The following DPH6 variants were observed in gnomAD, a reference collection of about 807,000 sequenced individuals.
DPH6 encodes diphthine--ammonia ligase.
DPH6 carries 33 observed loss-of-function variants against 38.2 expected under a neutral mutation model. The observed-to-expected ratio is 0.86, with a 90% CI of 0.65 to 1.15. DPH6 has a LOEUF of 1.15. Among genes scored for constraint, DPH6 ranks in the 50% most tolerant of loss-of-function variants. The pLI, the probability that DPH6 is intolerant of heterozygous loss-of-function variation, is 0.00. For synonymous variants in DPH6, 108 were observed against 103.0 expected, an observed-to-expected ratio of 1.05 and a Z score of -0.30; for missense variants, 325 against 320.0, an observed-to-expected ratio of 1.02 and a Z score of -0.12.
intron 3 of DPH6, among the ~76,000 whole-genome samples, chr15:35,344,017 C>T (rs1474883111): frequency 6.6e-6 from 1 of 151,860 alleles, no homozygotes; most frequent in Non-Finnish European, 1.5e-5. Context: ...CATTCATTAC[C>T]CTTCATGTTT....
intron 1 of DPH6, among the ~76,000 whole-genome samples, chr15:35,544,714 A>G (rs1371086723): frequency 6.6e-6 from 1 of 152,184 alleles, no homozygotes; most frequent in Non-Finnish European, 1.5e-5. Flanking sequence ...ATTTTCCAAC[A>G]TTGCTTTTTT....
At chr15:35,541,222 G>A (rs960254139) in intron 2 of DPH6, among the ~76,000 whole-genome samples, 1 of 151,910 alleles carries the variant, frequency 6.6e-6, no homozygotes, top group African/African-American at 2.4e-5. Flanking sequence ...CTTTCCACAC[G>A]ACATCCAGCA....
At chr15:35,237,810 G>A in intron 3 of DPH6, 1 of 1,581,564 alleles carries the variant, frequency 6.3e-7, no homozygotes, top group Non-Finnish European at 8.7e-7. Flanking sequence ...GATGCTGAGG[G>A]CTACGTGGAG....
At chr15:35,391,217 G>A (rs1419284189) in intron 6 of DPH6, among the ~76,000 whole-genome samples, 1 of 152,122 alleles carries the variant, frequency 6.6e-6, no homozygotes, top group Non-Finnish European at 1.5e-5. Context: ...TTTCTCAGAG[G>A]AGTACCTGGC....
At chr15:35,535,460 G>T (rs1429743062) in intron 3 of DPH6, among the ~76,000 whole-genome samples, 1 of 152,068 alleles carries the variant, frequency 6.6e-6, no homozygotes, top group African/African-American at 2.4e-5. Context: ...CAAGAAAAAG[G>T]AAGACATCAG....
chr15:35,373,919 G>T (rs983825683), intron 7 of DPH6, among the ~76,000 whole-genome samples: 1 of 151,868 alleles, frequency 6.6e-6, no homozygotes, highest in Non-Finnish European at 1.5e-5. Context: ...TCATTTTCAC[G>T]TATTTGCTTG....
At chr15:35,416,637 A>C (rs756628136) in intron 5 of DPH6, among the ~76,000 whole-genome samples, 53 of 152,002 alleles carry the variant, frequency 3.5e-4, no homozygotes, top group African/African-American at 1.1e-3. Context: ...TAATAACTAC[A>C]TATGTCTTTA....
chr15:35,333,774 G>A (rs754920400), intron 3 of DPH6, among the ~76,000 whole-genome samples: 33 of 152,200 alleles, frequency 2.2e-4, no homozygotes, highest in South Asian at 8.3e-4. Flanking sequence ...TCATTACTGA[G>A]TATATATGTG....
intron 6 of DPH6, among the ~76,000 whole-genome samples, chr15:35,406,520 G>C (rs2053296056): frequency 6.6e-6 from 1 of 152,042 alleles, no homozygotes; most frequent in Non-Finnish European, 1.5e-5. Flanking sequence ...ACTTGTGCTA[G>C]ATGACTGCTG....
chr15:35,262,012 A>G (rs1035173277), intron 3 of DPH6, among the ~76,000 whole-genome samples: 12 of 152,220 alleles, frequency 7.9e-5, no homozygotes, highest in Non-Finnish European at 1.5e-4. Context: ...CATACAAAAA[A>G]GGGTCCTCAT....
chr15:35,451,920 G>A (rs545269934), intron 4 of DPH6, among the ~76,000 whole-genome samples: 1 of 152,314 alleles, frequency 6.6e-6, no homozygotes, highest in East Asian at 1.9e-4. Flanking sequence ...TGAGGCAGGA[G>A]AATGGCGTGA....
At chr15:35,410,453 G>A (rs2053351453) in intron 6 of DPH6, among the ~76,000 whole-genome samples, 1 of 151,670 alleles carries the variant, frequency 6.6e-6, no homozygotes, top group African/African-American at 2.4e-5. Flanking sequence ...TGGTAAAAGA[G>A]AAGGGGTTAC....
At chr15:35,456,551 G>A (rs1286315991) in intron 3 of DPH6, among the ~76,000 whole-genome samples, 2 of 151,010 alleles carry the variant, frequency 1.3e-5, no homozygotes, top group African/African-American at 4.9e-5. Flanking sequence ...GCAGTGGCAC[G>A]ATCTCAGCTC....
chr15:35,494,026 C>T (rs1274519811), intron 3 of DPH6, among the ~76,000 whole-genome samples: 1 of 152,052 alleles, frequency 6.6e-6, no homozygotes, highest in Non-Finnish European at 1.5e-5. Context: ...CATTTATTAG[C>T]TATGTGGCCT....
chr15:35,387,648 G>A (rs2052986919), intron 6 of DPH6, among the ~76,000 whole-genome samples: 1 of 152,094 alleles, frequency 6.6e-6, no homozygotes, highest in African/African-American at 2.4e-5. Context: ...CTGTTTGTCT[G>A]TTATTGGTGT....
At chr15:35,233,160 T>A (rs563281086) in intron 3 of DPH6, among the ~76,000 whole-genome samples, 1 of 151,954 alleles carries the variant, frequency 6.6e-6, no homozygotes, top group South Asian at 2.1e-4. Context: ...ATAAAAAAAA[T>A]TAGAAAGGTG....
intron 7 of DPH6, among the ~76,000 whole-genome samples, chr15:35,378,955 C>A (rs1206834901): frequency 6.6e-6 from 1 of 152,154 alleles, no homozygotes; most frequent in Non-Finnish European, 1.5e-5. Flanking sequence ...CACATGTACC[C>A]TAGAACTTAA....
chr15:35,518,495 G>GT (rs936215887), intron 3 of DPH6, among the ~76,000 whole-genome samples: 2 of 151,940 alleles, frequency 1.3e-5, no homozygotes, highest in Admixed American at 6.6e-5. Context: ...GTTTTGTTTT[G>GT]TTTTTTTGAG....
chr15:35,487,931 T>C (rs147524391), intron 3 of DPH6, among the ~76,000 whole-genome samples: 3,682 of 152,312 alleles, frequency 0.024, 143 homozygotes, highest in African/African-American at 0.079. Flanking sequence ...ACATCTTGAA[T>C]GCTTTGTTGC....
Sources: allele counts gnomAD v4.1 joint callset (sites outside exome capture counted in the v4.1 genomes callset), GRCh38; gene constraint gnomAD v4.1.1; transcripts MANE v1.5; gene names NCBI Gene and HGNC (gene_info 2026-07-23, HGNC 2026-07-21).